The following UST variants were observed in gnomAD, a reference collection of about 807,000 sequenced individuals.
UST encodes uronyl 2-sulfotransferase.
UST carries 21 observed loss-of-function variants against 45.6 expected under a neutral mutation model. The observed-to-expected ratio is 0.46, with a 90% CI of 0.33 to 0.66. The LOEUF (loss-of-function observed/expected upper bound fraction) is 0.66, where lower values mean the gene tolerates loss of function less well. UST is among the 30% of genes least tolerant of loss of function. The probability of loss-of-function intolerance (pLI) is 0.02; values close to 1 mark genes in which losing one functional copy is unlikely to be tolerated. For synonymous variants in UST, 215 were observed against 200.6 expected, an observed-to-expected ratio of 1.07 and a Z score of -0.61; for missense variants, 463 against 512.4, an observed-to-expected ratio of 0.90 and a Z score of 0.93.
At chr6:148,852,513 TC>T (rs1194021499) in intron 1 of UST, among the ~76,000 whole-genome samples, 2 of 152,280 alleles carry the variant, frequency 1.3e-5, no homozygotes, top group East Asian at 3.9e-4. Flanking sequence ...TATTACAGTC[TC>T]TTACCATGTA....
intron 1 of UST, among the ~76,000 whole-genome samples, chr6:148,809,618 A>G (rs977953904): frequency 2.6e-5 from 4 of 152,254 alleles, no homozygotes; most frequent in African/African-American, 9.6e-5. Flanking sequence ...GCTAGGAGCT[A>G]GGTGTGCTGA....
chr6:148,914,100 G>A (rs1164909423), intron 2 of UST, among the ~76,000 whole-genome samples: 1 of 152,128 alleles, frequency 6.6e-6, no homozygotes, highest in Non-Finnish European at 1.5e-5. Flanking sequence ...CCAGAACTAT[G>A]GGAAATAAGT....
chr6:148,790,949 C>G lies in UST; in HGVS notation c.247+43272C>G, dbSNP rs1324430491. On this transcript the variant is annotated intron_variant, in intron 1 of 7. Transcript: ENST00000367463. The surrounding 1 kb of genome is among the most constrained non-coding windows in gnomAD (Gnocchi z 4.2). Reference sequence around the variant, plus strand: ...TACATGCACATCTCTCCCTCAGGATCTGCGCAACAGTTAAAGGTGCACGCG... The same window carrying G: ...TACATGCACATCTCTCCCTCAGGATGTGCGCAACAGTTAAAGGTGCACGCG... Among the ~76,000 whole-genome samples the G allele has an allele frequency of 6.6e-6, 1 of 152,262 alleles. No individual in the cohort carries two copies. Among genetic ancestry groups the G allele is most frequent in the Non-Finnish European group, 1.5e-5 (1 of 68,048 alleles).
intron 7 of UST, among the ~76,000 whole-genome samples, chr6:149,023,141 TGTGTGTGTG>T (rs1358691448): frequency 9.4e-4 from 133 of 141,250 alleles, no homozygotes; most frequent in South Asian, 1.3e-3. Context: ...TGTGTGTGTG[TGTGTGTGTG>T]GTGTGGTGTG....
chr6:148,926,626 G>C (rs1432597328), intron 2 of UST, among the ~76,000 whole-genome samples: 4 of 152,218 alleles, frequency 2.6e-5, no homozygotes, highest in Non-Finnish European at 5.9e-5. Flanking sequence ...GAATAGAATG[G>C]AAAGTCAAGG....
At chr6:148,839,209 G>C (rs201220233) in intron 1 of UST, among the ~76,000 whole-genome samples, 1 of 152,142 alleles carries the variant, frequency 6.6e-6, no homozygotes, top group South Asian at 2.1e-4. Flanking sequence ...GCTAAGTGCC[G>C]TGTATACAAA....
chr6:149,028,190 G>A (rs567291946), intron 7 of UST, among the ~76,000 whole-genome samples: 12 of 152,250 alleles, frequency 7.9e-5, no homozygotes, highest in African/African-American at 2.2e-4. Flanking sequence ...TAGATAGCCC[G>A]CATGCTAGAC....
chr6:148,753,738 T>C (rs1012344082), intron 1 of UST, among the ~76,000 whole-genome samples: 4 of 152,200 alleles, frequency 2.6e-5, no homozygotes, highest in African/African-American at 9.6e-5. Flanking sequence ...GTTTAAGTTA[T>C]TGAGGAACTG....
intron 2 of UST, among the ~76,000 whole-genome samples, chr6:148,891,307 T>A (rs1779013760): frequency 6.6e-6 from 1 of 152,156 alleles, no homozygotes; most frequent in Non-Finnish European, 1.5e-5. Flanking sequence ...TGATAAGTTC[T>A]GTTGGTAACA....
intron 1 of UST, among the ~76,000 whole-genome samples, chr6:148,815,551 A>G (rs916047414): frequency 2.6e-5 from 4 of 152,158 alleles, no homozygotes; most frequent in Middle Eastern, 3.2e-3. Flanking sequence ...CTCAATAAAT[A>G]TTTGTTAACT....
chr6:149,012,927 G>A (rs1775837356), intron 5 of UST, among the ~76,000 whole-genome samples: 1 of 152,150 alleles, frequency 6.6e-6, no homozygotes, highest in South Asian at 2.1e-4. Context: ...CAGGTGAGTG[G>A]CAGGTAAAGT....
intron 2 of UST, among the ~76,000 whole-genome samples, chr6:148,923,487 G>GGA (rs1779754384): frequency 6.6e-6 from 1 of 152,156 alleles, no homozygotes; most frequent in Non-Finnish European, 1.5e-5. Flanking sequence ...GCTATAAAGT[G>GGA]GTATCTCATT....
At chr6:148,903,203 T>C (rs1779293172) in intron 2 of UST, among the ~76,000 whole-genome samples, 1 of 152,196 alleles carries the variant, frequency 6.6e-6, no homozygotes, top group Non-Finnish European at 1.5e-5. Context: ...AATTCTGTTT[T>C]AAGTTTTATA....
At chr6:149,007,127 T>G (rs2115009469) in intron 5 of UST, among the ~76,000 whole-genome samples, 1 of 144,546 alleles carries the variant, frequency 6.9e-6, no homozygotes, top group South Asian at 2.3e-4. Context: ...TTTTTTTTTT[T>G]TTTTTTTTTT....
chr6:149,067,338 G>A (rs929696952), intron 7 of UST, among the ~76,000 whole-genome samples: 9 of 152,190 alleles, frequency 5.9e-5, no homozygotes, highest in African/African-American at 1.7e-4. Context: ...GAACTTCAGA[G>A]AACAGCTTCA....
At chr6:148,853,876 C>T (rs1778152403) in intron 1 of UST, among the ~76,000 whole-genome samples, 1 of 152,170 alleles carries the variant, frequency 6.6e-6, no homozygotes, top group Non-Finnish European at 1.5e-5. Flanking sequence ...ACACTTTCTG[C>T]TCCCAGAGCC....
intron 1 of UST, among the ~76,000 whole-genome samples, chr6:148,806,164 C>G (rs1777141804): frequency 6.6e-6 from 1 of 151,616 alleles, no homozygotes; most frequent in South Asian, 2.1e-4. Flanking sequence ...ATAACCTGAA[C>G]CATGTCTATT....
chr6:148,913,233 A>G (rs1346930599), intron 2 of UST, among the ~76,000 whole-genome samples: 1 of 152,182 alleles, frequency 6.6e-6, no homozygotes, highest in East Asian at 1.9e-4. Flanking sequence ...TGGCCAGGAC[A>G]GCACCTCTGC....
At chr6:149,005,661 T>G in intron 5 of UST, 1 of 960,912 alleles carries the variant, frequency 1.0e-6, no homozygotes, top group Non-Finnish European at 1.2e-6. Flanking sequence ...AAGGACTGAT[T>G]TCCACTAAAA....
Sources: gnomAD v4.1 joint callset for allele counts (sites outside exome capture counted in the v4.1 genomes callset) on GRCh38, gnomAD v4.1.1 for gene constraint, Gnocchi (gnomAD v3.1) non-coding constraint, MANE v1.5 for transcripts, NCBI Gene and HGNC (gene_info 2026-07-23, HGNC 2026-07-21) for gene names.